The following EPHB2 variants were observed in gnomAD, a reference collection of about 807,000 sequenced individuals.
EPHB2 encodes EPH receptor B2, also known as ephrin type-B receptor 2.
Under a neutral mutation model 96.4 loss-of-function variants are expected in EPHB2, and 18 were observed. The ratio of observed to expected loss-of-function variants is 0.19; its 90% CI spans 0.13 to 0.28. The LOEUF is 0.28. EPHB2 is among the 10% of genes least tolerant of loss of function. The probability of loss-of-function intolerance (pLI) is 1.00; values close to 1 mark genes in which losing one functional copy is unlikely to be tolerated. For missense variants in EPHB2, 989 were observed against 1,355.4 expected (o/e 0.73, Z 4.25); for synonymous variants, 506 against 534.1 (o/e 0.95, Z 0.72).
chr1:22,760,196 G>A (rs1314250598), intron 1 of EPHB2, among the ~76,000 whole-genome samples: 1 of 152,130 alleles, frequency 6.6e-6, no homozygotes, highest in Non-Finnish European at 1.5e-5. Flanking sequence ...TTTGGTGGAG[G>A]TGGGGCACTC....
chr1:22,776,810 G>A (rs2148413366), intron 1 of EPHB2, among the ~76,000 whole-genome samples: 1 of 152,348 alleles, frequency 6.6e-6, no homozygotes, highest in South Asian at 2.1e-4. Context: ...TGTATGAAAG[G>A]CTCAAGCCTG....
At chr1:22,775,654 G>A (rs1644440699) in intron 1 of EPHB2, among the ~76,000 whole-genome samples, 1 of 152,266 alleles carries the variant, frequency 6.6e-6, no homozygotes, top group South Asian at 2.1e-4. Flanking sequence ...CATAGCCAGA[G>A]GGGCCATCGG....
intron 3 of EPHB2, among the ~76,000 whole-genome samples, chr1:22,831,259 G>A (rs959855531): frequency 1.3e-5 from 2 of 152,184 alleles, no homozygotes; most frequent in Non-Finnish European, 2.9e-5. Flanking sequence ...CTTACAGAGT[G>A]TCTTGCACAT....
chr1:22,830,629 C>G (rs1248125567), intron 3 of EPHB2, among the ~76,000 whole-genome samples: 1 of 152,192 alleles, frequency 6.6e-6, no homozygotes, highest in African/African-American at 2.4e-5. Context: ...GCAATCTCAG[C>G]TCACTGCAAC....
intron 3 of EPHB2, among the ~76,000 whole-genome samples, chr1:22,815,630 A>C (rs1055725048): frequency 1.3e-5 from 2 of 152,284 alleles, no homozygotes; most frequent in Non-Finnish European, 2.9e-5. Context: ...GGCCGTTCAA[A>C]GATTCCGAAG....
In EPHB2 at chr1:22,825,814, A is replaced by G. The variant is rs146865154; in HGVS notation, c.812-37223A>G. On this transcript the variant is annotated intron_variant, in intron 3 of 15. Transcript: ENST00000374630. ...CTGCTGCAGGTGGGAAACCAAATCA[A>G]CATGTCTGCCCCTGGCAGGAGCCAG... Among the ~76,000 whole-genome samples the G allele has an allele frequency of 1.2e-4, 18 of 152,338 alleles. No individual in the cohort carries two copies. In the East Asian group the frequency reaches 3.1e-3, roughly 26 times the overall value.
chr1:22,806,954 C>A (rs1330087883), intron 3 of EPHB2, among the ~76,000 whole-genome samples: 3 of 152,112 alleles, frequency 2.0e-5, no homozygotes, highest in Admixed American at 2.0e-4. Flanking sequence ...ATCAGCACTC[C>A]GGCTGCAGCA....
At chr1:22,828,425 C>G (rs138751556) in intron 3 of EPHB2, among the ~76,000 whole-genome samples, 239 of 152,290 alleles carry the variant, frequency 1.6e-3, no homozygotes, top group African/African-American at 5.1e-3. Context: ...GCTCCTGGAG[C>G]CTCTTCTACA....
intron 3 of EPHB2, among the ~76,000 whole-genome samples, chr1:22,794,526 G>A (rs1312067603): frequency 6.6e-6 from 1 of 152,168 alleles, no homozygotes; most frequent in Non-Finnish European, 1.5e-5. Flanking sequence ...AGGAAACTGA[G>A]ACTTGGCCAA....
intron 9 of EPHB2, among the ~76,000 whole-genome samples, chr1:22,898,576 G>T (rs183020843): frequency 2.6e-5 from 4 of 152,176 alleles, no homozygotes; most frequent in Non-Finnish European, 5.9e-5. Context: ...GTGAAATGGG[G>T]AGCTGCTGGA....
chr1:22,756,265 G>A (rs1045153714), intron 1 of EPHB2, among the ~76,000 whole-genome samples: 1 of 152,162 alleles, frequency 6.6e-6, no homozygotes, highest in Non-Finnish European at 1.5e-5. Context: ...GGTGTTCGGG[G>A]AAGGTCTGTG....
chr1:22,712,989 G>A (rs1429491744), intron 1 of EPHB2, among the ~76,000 whole-genome samples: 1 of 152,186 alleles, frequency 6.6e-6, no homozygotes, highest in Non-Finnish European at 1.5e-5. Flanking sequence ...GGCCACATCT[G>A]TCCAGCCATC....
At chr1:22,749,038 T>G (rs940950972) in intron 1 of EPHB2, among the ~76,000 whole-genome samples, 2 of 150,998 alleles carry the variant, frequency 1.3e-5, no homozygotes, top group Non-Finnish European at 3.0e-5. Flanking sequence ...TTTTTTCTTT[T>G]GAGATGGAGT....
intron 1 of EPHB2, among the ~76,000 whole-genome samples, chr1:22,727,314 T>C (rs60458606): frequency 0.02 from 3,010 of 152,344 alleles, 81 homozygotes; most frequent in African/African-American, 0.065. Context: ...CCTTGGTGGA[T>C]GGGCCACAAT....
At chr1:22,909,861 T>C (rs913193077) in intron 13 of EPHB2, among the ~76,000 whole-genome samples, 2 of 152,258 alleles carry the variant, frequency 1.3e-5, no homozygotes, top group East Asian at 3.9e-4. Context: ...GGTGTTTGGA[T>C]GCATTTCCTT....
intron 3 of EPHB2, among the ~76,000 whole-genome samples, chr1:22,824,704 C>A (rs997603649): frequency 6.6e-6 from 1 of 152,266 alleles, no homozygotes; most frequent in African/African-American, 2.4e-5. Flanking sequence ...AGCTAATTAA[C>A]ATCTTGGAGT....
intron 3 of EPHB2, among the ~76,000 whole-genome samples, chr1:22,841,283 C>T (rs942697372): frequency 6.6e-6 from 1 of 152,190 alleles, no homozygotes; most frequent in African/African-American, 2.4e-5. Flanking sequence ...TTGTGGAGGA[C>T]ACATGCTTTG....
chr1:22,815,559 G>A (rs1414713345), intron 3 of EPHB2, among the ~76,000 whole-genome samples: 3 of 152,234 alleles, frequency 2.0e-5, no homozygotes, highest in African/African-American at 7.2e-5. Flanking sequence ...CTGGAGGCTG[G>A]CCTGAGCCCT....
intron 9 of EPHB2, among the ~76,000 whole-genome samples, chr1:22,900,226 G>A (rs1460568336): frequency 1.3e-5 from 2 of 151,020 alleles, no homozygotes; most frequent in African/African-American, 2.4e-5. Flanking sequence ...CCTGGGAGGC[G>A]AAGGTTGCAG....
Sources: allele counts gnomAD v4.1 joint callset (sites outside exome capture counted in the v4.1 genomes callset), GRCh38; gene constraint gnomAD v4.1.1; transcripts MANE v1.5; gene names NCBI Gene and HGNC (gene_info 2026-07-23, HGNC 2026-07-21).